Variants in SEMA4A observed in about 807,000 individuals in gnomAD.
SEMA4A encodes the protein semaphorin 4A.
SEMA4A carries 52 observed loss-of-function variants against 72.5 expected under a neutral mutation model. That is an observed-to-expected ratio of 0.72 (90% confidence interval 0.57 to 0.90). The LOEUF is 0.90. SEMA4A is among the 40% of genes least tolerant of loss of function. The pLI is 0.00. For synonymous variants in SEMA4A, 369 were observed against 393.1 expected, an observed-to-expected ratio of 0.94 and a Z score of 0.73; for missense variants, 926 against 959.7, an observed-to-expected ratio of 0.96 and a Z score of 0.46.
intron 7 of SEMA4A, 31 bp from the exon 8 acceptor site, chr1:156,160,874 G>A: frequency 1.2e-6 from 2 of 1,613,220 alleles, no homozygotes; most frequent in South Asian, 2.2e-5. Context: ...CAGGGGCTCA[G>A]TCCCTAAGCC....
chr1:156,158,005 A>G, intron 3 of SEMA4A, 65 bp from the exon 4 acceptor site: 1 of 1,516,412 alleles, frequency 6.6e-7, no homozygotes, highest in Non-Finnish European at 9.1e-7. Flanking sequence ...GAAGGGAGGC[A>G]GGTCACAGCT....
chr1:156,152,246 C>A (rs967827773), upstream of SEMA4A, among the ~76,000 whole-genome samples: 2 of 152,106 alleles, frequency 1.3e-5, no homozygotes, highest in Admixed American at 6.5e-5. Flanking sequence ...GGGAAGAGGA[C>A]GTCCGGAGTT....
chr1:156,156,898 G>A (rs1653094747), intron 3 of SEMA4A, among the ~76,000 whole-genome samples: 1 of 151,814 alleles, frequency 6.6e-6, no homozygotes, highest in Admixed American at 6.6e-5. Context: ...GCACCACCAT[G>A]CCAGGCTAAT....
At chr1:156,161,798 T>G in intron 9 of SEMA4A, 1 of 451,404 alleles carries the variant, frequency 2.2e-6, no homozygotes, top group Non-Finnish European at 3.9e-6. Flanking sequence ...ATCGATAAAA[T>G]AGATACAGAA....
At position 156,172,815 on chromosome 1, in the gene SEMA4A, T is replaced by C; in HGVS notation, c.1135-11T>C. 1.2e-6 allele frequency: 2 copies of C among 1,614,020 alleles called. No homozygotes were observed. The highest frequency in any genetic ancestry group is 1.7e-6 in the Non-Finnish European group (2 of 1,179,940). ...GGCAAACCAACCTGATCTGCCTCCC[T>C]CCTCCTTTAGTGCTCAGTGGGCCCC... On this transcript the variant is annotated splice_polypyrimidine_tract_variant and intron_variant, in intron 10 of 14. Transcript: ENST00000368285.
rs148744804 is a variant in SEMA4A, at chr1:156,175,102, G to C, written c.1451G>C (p.Gly484Ala). The stretch of plus-strand genomic sequence containing the variant: ...CTCTTCCAGGGTGCAGTGTTTGTAG[G>C]CTTCTCAGGAGGTGTCTGGAGGGTG... ...LAPTQGAVFV[G>A]FSGGVWRVPR... Residue 484 changes from glycine (G) to alanine (A), a missense_variant, in exon 13 of 15, where the codon GGC (glycine) becomes GCC (alanine). Coordinates refer to ENST00000368285, the MANE Select transcript of SEMA4A (RefSeq NM_022367.4). 1,366 of 1,614,184 alleles carry C rather than the reference G, an allele frequency of 8.5e-4. 1 individual carries two copies. Among genetic ancestry groups the C allele is most frequent in the Non-Finnish European group, 1.0e-3 (1,235 of 1,180,028 alleles).
Position 156,161,195 on chromosome 1 carries a change from G to C in SEMA4A, c.811-151G>C, listed in dbSNP as rs1417181101. The C allele has an allele frequency of 3.6e-5, 18 of 496,772 alleles. No homozygotes were observed. In the African/African-American group the frequency reaches 4.0e-4, roughly 11 times the overall value. 30.8% of individuals were successfully genotyped at this position (496,772 alleles called of 1,614,324 possible). On this transcript the variant is annotated intron_variant, in intron 8 of 14. Transcript: ENST00000368285. ...GACAGCGGGGCTGGGCGGGTGGGGCGGGGGACAAGCGTGGCTGAGGGGGCG... is the reference window on the plus strand; with the variant it reads ...GACAGCGGGGCTGGGCGGGTGGGGCCGGGGACAAGCGTGGCTGAGGGGGCG...
At position 156,160,476 on chromosome 1, in the gene SEMA4A, T is replaced by C. The variant is rs769664463; in HGVS notation, c.602T>C (p.Phe201Ser). 1.2e-6 allele frequency: 2 copies of C among 1,613,998 alleles called. No individual in the cohort carries two copies. The highest frequency in any genetic ancestry group is 8.5e-7 in the Non-Finnish European group (1 of 1,179,970). ...CTCTATTCTGGTACTATGAACAACT[T>C]CCTGGGCAGTGAGCCCATCCTGATG... is the stretch of plus-strand genomic sequence containing the variant. ...GMLYSGTMNN[F>S]LGSEPILMRT... The change falls in exon 7 of 15, where the codon TTC becomes TCC. Residue 201 changes from phenylalanine (F) to serine (S), a missense_variant. Transcript: ENST00000368285.
intron 10 of SEMA4A, among the ~76,000 whole-genome samples, chr1:156,167,475 C>CAA (rs58793729): frequency 6.8e-5 from 7 of 103,598 alleles, no homozygotes; most frequent in African/African-American, 1.8e-4. Flanking sequence ...GACCCTGTCT[C>CAA]AAAAAAAAAA....
chr1:156,169,793 G>A (rs1403474199), intron 10 of SEMA4A, among the ~76,000 whole-genome samples: 5 of 151,368 alleles, frequency 3.3e-5, no homozygotes, highest in African/African-American at 1.2e-4. Flanking sequence ...TTGGAAGGCC[G>A]AGGCACGTGG....
intron 10 of SEMA4A, among the ~76,000 whole-genome samples, chr1:156,170,820 C>CTAAG (rs1320999432): frequency 1.3e-5 from 2 of 151,320 alleles, no homozygotes; most frequent in Non-Finnish European, 2.9e-5. Context: ...TCTCAGGAGG[C>CTAAG]TAAGGTAGGA....
chr1:156,176,371 C>G, intron 14 of SEMA4A, 34 bp from the exon 15 acceptor site: 1 of 1,501,150 alleles, frequency 6.7e-7, no homozygotes, highest in Non-Finnish European at 9.3e-7. Flanking sequence ...TTCACTTCTC[C>G]CTTAACCCTT....
At position 156,177,184 on chromosome 1, in the gene SEMA4A, G is replaced by A. The variant is rs767596816; in HGVS notation, c.*187G>A. 47 of 674,352 alleles carry A rather than the reference G, an allele frequency of 7.0e-5. No homozygotes were observed. Among genetic ancestry groups the A allele is most frequent in the Middle Eastern group, 3.9e-4 (1 of 2,572 alleles). 41.8% of individuals were successfully genotyped at this position (674,352 alleles called of 1,614,324 possible). On this transcript the variant is annotated 3_prime_UTR_variant, in exon 15 of 15. Coordinates refer to ENST00000368285, the MANE Select transcript of SEMA4A (RefSeq NM_022367.4). ...TGCACAGCAGTCTGCCTCCCCTATG[G>A]GACTCCCTTCTACCAAGCACATGAG...
intron 13 of SEMA4A, 30 bp downstream of exon 13, chr1:156,175,273 A>T (rs766401274): frequency 6.3e-7 from 1 of 1,594,652 alleles, no homozygotes; most frequent in East Asian, 2.2e-5. Context: ...GGTGGCCTGG[A>T]TGGCCAGCCA....
chr1:156,171,630 A>G (rs1477157654), intron 10 of SEMA4A, among the ~76,000 whole-genome samples: 9 of 151,986 alleles, frequency 5.9e-5, no homozygotes, highest in Admixed American at 5.9e-4. Flanking sequence ...AGGCTGGAGT[A>G]CAGTGGCACA....
At chr1:156,159,737 C>T (rs527537530) in intron 6 of SEMA4A, among the ~76,000 whole-genome samples, 1 of 151,862 alleles carries the variant, frequency 6.6e-6, no homozygotes, top group East Asian at 1.9e-4. Context: ...TATAGTGAGA[C>T]CTCGTCTCTA....
chr1:156,177,218 C>A lies in SEMA4A; in HGVS notation c.*221C>A. On this transcript the variant is annotated 3_prime_UTR_variant, in exon 15 of 15. Transcript: ENST00000368285. ...TCTACCAAGCACATGAGCTCTCTAA[C>A]AGGGTGGGGGCTACCCCCAGACCTG... 1 of 621,660 alleles carries A rather than the reference C, an allele frequency of 1.6e-6. No homozygotes were observed. Among genetic ancestry groups the A allele is most frequent in the Non-Finnish European group, 2.9e-6 (1 of 344,808 alleles). The allele number at this position is 621,660 out of a possible 1,614,324, so 38.5% of individuals were successfully genotyped here. A position where few individuals can be genotyped will look rare whatever the true frequency, so the allele number is the denominator to read the frequency against.
At chr1:156,169,861 C>T (rs931142838) in intron 10 of SEMA4A, among the ~76,000 whole-genome samples, 1 of 151,658 alleles carries the variant, frequency 6.6e-6, no homozygotes, top group African/African-American at 2.4e-5. Flanking sequence ...CCCGTCTCTA[C>T]TAAAAATACA....
chr1:156,154,603 G>C lies in SEMA4A; in HGVS notation c.25G>C (p.Asp9His). 1 of 1,610,914 alleles carries C rather than the reference G, an allele frequency of 6.2e-7. No homozygotes were observed. Among genetic ancestry groups the C allele is most frequent in the Non-Finnish European group, 8.5e-7 (1 of 1,179,344 alleles). Residue 9 changes from aspartate to histidine, a missense_variant, in exon 2 of 15, where the codon GAC becomes CAC. By Grantham distance (81) the Asp-to-His change is moderately conservative. Transcript: ENST00000368285. MALPALGL[D>H]PWSLLGLFLF... Reference sequence around the variant, plus strand: ...CATGGCCCTCCCAGCCCTGGGCCTGGACCCCTGGAGCCTCCTGGGCCTTTT... The same window carrying C: ...CATGGCCCTCCCAGCCCTGGGCCTGCACCCCTGGAGCCTCCTGGGCCTTTT...
Sources: gnomAD v4.1 joint callset for allele counts (sites outside exome capture counted in the v4.1 genomes callset) on GRCh38, gnomAD v4.1.1 for gene constraint, MANE v1.5 for transcripts, NCBI Gene and HGNC (gene_info 2026-07-23, HGNC 2026-07-21) for gene names.